OR2C1: variants seen among roughly 807,000 people sequenced by gnomAD.
The protein encoded by OR2C1 is olfactory receptor family 2 subfamily C member 1.
For missense variants in OR2C1, 468 were observed against 388.3 expected (o/e 1.21, Z -1.73); for synonymous variants, 209 against 167.3 (o/e 1.25, Z -1.92).
In OR2C1 at chr16:3,356,283, C is replaced by T. The variant is rs1157745581; in HGVS notation, c.343C>T (p.Leu115=). The T allele has an allele frequency of 2.5e-6, 4 of 1,613,650 alleles. No homozygotes were observed. In the African/African-American group the frequency reaches 5.3e-5, roughly 22 times the overall value. The change falls in exon 1 of 1, where the codon CTG becomes TTG. Residue 115 remains leucine, a synonymous_variant. Coordinates refer to ENST00000304936, the MANE Select transcript of OR2C1 (RefSeq NM_012368.3). ...GCTGGGGGCCACCGAGTGCATCCTG[C>T]TGGTGGTGATGGCATTTGACCGCTA... ...LWLGATECIL[L]VVMAFDRYVA...
upstream of OR2C1, among the ~76,000 whole-genome samples, chr16:3,351,736 C>T (rs1161359151): frequency 2.0e-5 from 3 of 152,276 alleles, no homozygotes; most frequent in Admixed American, 6.5e-5. Context: ...TCATTTTTCT[C>T]TCTGGGACAC....
At chr16:3,333,422 G>C in the OR2C1 span, among the ~76,000 whole-genome samples, 2 of 151,444 alleles carry the variant, frequency 1.3e-5, no homozygotes, top group Non-Finnish European at 2.9e-5. Flanking sequence ...TGCAAGCTCC[G>C]CCTCCCGGGT....
At position 3,355,891 on chromosome 16, in the gene OR2C1, C is replaced by T; in HGVS notation, c.-50C>T. On this transcript the variant is annotated 5_prime_UTR_variant, in exon 1 of 1. Coordinates refer to ENST00000304936, the MANE Select transcript of OR2C1 (RefSeq NM_012368.3). ...CAACAGCTTTTTCTTGACTTTTCTTCCAGCAGCTTGCGCTAAATGAATTCA... is the reference window on the plus strand; with the variant it reads ...CAACAGCTTTTTCTTGACTTTTCTTTCAGCAGCTTGCGCTAAATGAATTCA... The T allele has an allele frequency of 7.2e-7, 1 of 1,387,040 alleles. No individual in the cohort carries two copies. Among genetic ancestry groups the T allele is most frequent in the Non-Finnish European group, 9.9e-7 (1 of 1,007,102 alleles). The allele number at this position is 1,387,040 out of a possible 1,614,324, so 85.9% of individuals were successfully genotyped here.
At chr16:3,323,109 TAAA>T in the OR2C1 span, 7 of 548,750 alleles carry the variant, frequency 1.3e-5, no homozygotes, top group Non-Finnish European at 2.1e-5. Context: ...AGATACTTGA[TAAA>T]AAAAATCTCA....
the OR2C1 span, among the ~76,000 whole-genome samples, chr16:3,339,615 C>T: frequency 2.0e-5 from 3 of 152,060 alleles, no homozygotes; most frequent in East Asian, 1.9e-4. Context: ...CACCACTATG[C>T]CCGGCTAATT....
At chr16:3,344,220 TA>T in the OR2C1 span, among the ~76,000 whole-genome samples, 3 of 150,484 alleles carry the variant, frequency 2.0e-5, no homozygotes, top group Admixed American at 6.6e-5. Context: ...AGACTCCATT[TA>T]AAAAAAACAA....
chr16:3,353,662 G>A (rs529072837), upstream of OR2C1, among the ~76,000 whole-genome samples: 4 of 151,834 alleles, frequency 2.6e-5, no homozygotes, highest in Admixed American at 6.6e-5. Flanking sequence ...TTAGTCAGGC[G>A]TGGTGGTGCA....
chr16:3,350,091 T>A, the OR2C1 span, among the ~76,000 whole-genome samples: 2 of 129,338 alleles, frequency 1.5e-5, no homozygotes, highest in South Asian at 5.5e-4. Context: ...GGAGTCTCTC[T>A]GTCGCCCAGG....
chr16:3,332,823 G>A, the OR2C1 span, among the ~76,000 whole-genome samples: 1 of 151,848 alleles, frequency 6.6e-6, no homozygotes, highest in South Asian at 2.1e-4. Context: ...TTTATGAATA[G>A]TGTTGCAATA....
chr16:3,355,012 T>G (rs2030637562), upstream of OR2C1, among the ~76,000 whole-genome samples: 1 of 152,204 alleles, frequency 6.6e-6, no homozygotes, highest in Admixed American at 6.5e-5. Context: ...TCATAGCCAT[T>G]GTTCTGAACT....
At chr16:3,352,887 A>AT (rs1437728711), upstream of OR2C1, among the ~76,000 whole-genome samples, 2 of 151,640 alleles carry the variant, frequency 1.3e-5, no homozygotes, top group African/African-American at 4.9e-5. Flanking sequence ...GATTACAGAC[A>AT]TGTAGCACCA....
rs2030686355 is a variant in OR2C1 at position 3,356,755 on chromosome 16, A to T, written c.815A>T (p.Lys272Met). 1 of 1,613,428 alleles carries T rather than the reference A, an allele frequency of 6.2e-7. No homozygotes were observed. The highest frequency in any genetic ancestry group is 8.5e-7 in the Non-Finnish European group (1 of 1,179,700). ...AAGAACAGCAAACAGGACCAGGGCA[A>T]GTTCATTTCCCTGTTCTACTCGTTG... ...PAKNSKQDQGKFISLFYSLVT... is the reference protein window; with the variant it reads ...PAKNSKQDQGMFISLFYSLVT... The change falls in exon 1 of 1, where the codon AAG becomes ATG. Residue 272 changes from lysine to methionine, a missense_variant. Physicochemically the swap from Lys to Met is moderately conservative, Grantham distance 95 (BLOSUM62 -1). Transcript: ENST00000304936.
chr16:3,354,248 G>C (rs760171761), upstream of OR2C1, among the ~76,000 whole-genome samples: 1 of 152,162 alleles, frequency 6.6e-6, no homozygotes. Context: ...ACCTCCCAAA[G>C]TGTTGGGATT....
At chr16:3,333,870 G>T in the OR2C1 span, among the ~76,000 whole-genome samples, 1 of 152,022 alleles carries the variant, frequency 6.6e-6, no homozygotes, top group South Asian at 2.1e-4. Flanking sequence ...GTTGATTTTT[G>T]TATATGGTGA....
At chr16:3,330,753 A>G in the OR2C1 span, among the ~76,000 whole-genome samples, 1 of 151,792 alleles carries the variant, frequency 6.6e-6, no homozygotes, top group African/African-American at 2.4e-5. Context: ...ATTTATTTTT[A>G]TTTTTTAGAG....
chr16:3,340,898 A>G, the OR2C1 span, among the ~76,000 whole-genome samples: 1 of 149,324 alleles, frequency 6.7e-6, no homozygotes, highest in Non-Finnish European at 1.5e-5. Flanking sequence ...GACTCCTCCC[A>G]CTTTGTTTTT....
the OR2C1 span, among the ~76,000 whole-genome samples, chr16:3,350,365 T>G: frequency 1.3e-5 from 2 of 150,534 alleles, no homozygotes; most frequent in Admixed American, 1.3e-4. Context: ...CAAAGGGAAA[T>G]TTTTTGTTTG....
chr16:3,346,972 C>T, the OR2C1 span, among the ~76,000 whole-genome samples: 5 of 150,144 alleles, frequency 3.3e-5, no homozygotes, highest in South Asian at 2.1e-4. Context: ...AGGCCAGTCG[C>T]GGTGGCTCAC....
the OR2C1 span, among the ~76,000 whole-genome samples, chr16:3,339,219 A>G: frequency 6.6e-6 from 1 of 150,758 alleles, no homozygotes; most frequent in Non-Finnish European, 1.5e-5. Context: ...ATAATGTTCT[A>G]TAGCATTTCA....
Sources: allele counts gnomAD v4.1 joint callset (sites outside exome capture counted in the v4.1 genomes callset), GRCh38; gene constraint gnomAD v4.1.1; transcripts MANE v1.5; gene names NCBI Gene and HGNC (gene_info 2026-07-23, HGNC 2026-07-21).